Variants in CWH43 observed in about 807,000 individuals in gnomAD.
The protein encoded by CWH43 is PGAP2-interacting protein.
A neutral mutation model predicts 85.7 loss-of-function variants in CWH43; 91 were observed. The ratio of observed to expected loss-of-function variants is 1.06; its 90% CI spans 0.90 to 1.26. The LOEUF (loss-of-function observed/expected upper bound fraction) is 1.26. Among genes scored for constraint, CWH43 ranks in the 50% most tolerant of loss-of-function variants. CWH43 has a pLI of 0.00. For missense variants in CWH43, 869 were observed against 839.2 expected (o/e 1.04, Z -0.44); for synonymous variants, 323 against 293.6 (o/e 1.10, Z -1.02).
Position 49,038,170 on chromosome 4 carries a change from G to A in CWH43, c.1793G>A (p.Gly598Asp), listed in dbSNP as rs1784320383. Reference protein sequence around the residue: ...SRDYLQLTEHGNVKDIDSTDH... With the variant: ...SRDYLQLTEHDNVKDIDSTDH... Reference sequence around the variant, plus strand: ...GATTATCTACAGCTCACTGAACATGGCAATGTGAAGGTAACATAATCTTAA... The same window carrying A: ...GATTATCTACAGCTCACTGAACATGACAATGTGAAGGTAACATAATCTTAA... Residue 598 changes from glycine to aspartate, a missense_variant, in exon 13 of 16, where the codon GGC becomes GAC. Gly to Asp is a moderately conservative substitution (Grantham distance 94). Transcript: ENST00000226432. 2.5e-6 allele frequency: 4 copies of A among 1,573,172 alleles called. No homozygotes were observed. The highest frequency in any genetic ancestry group is 2.3e-5 in the East Asian group (1 of 44,132).
At position 49,044,965 on chromosome 4, in the gene CWH43, G is replaced by A. The variant is rs576743498; in HGVS notation, c.1865+118G>A. ...TAATTTTTGTTGCTTTTTATAAAAA[G>A]CAATCAATGTTTATAAACATTGATT... On this transcript the variant is annotated intron_variant, in intron 14 of 15. Coordinates refer to ENST00000226432, the MANE Select transcript of CWH43 (RefSeq NM_025087.3). 2.4e-5 allele frequency: 17 copies of A among 723,298 alleles called. No homozygotes were observed. In the East Asian group the frequency reaches 3.2e-4, roughly 13 times the overall value. The allele number at this position is 723,298 out of a possible 1,614,324, so 44.8% of individuals were successfully genotyped here.
chr4:49,003,996 A>G lies in CWH43; in HGVS notation c.1060+4A>G. On this transcript the variant is annotated splice_donor_region_variant and intron_variant, in intron 7 of 15. Coordinates refer to ENST00000226432, the MANE Select transcript of CWH43 (RefSeq NM_025087.3). Reference sequence around the variant, plus strand: ...GAAAGATCAGATGTGCTTTTGGGTGAGTACATTTGAAAGGTCTGGATTAAA... The same window carrying G: ...GAAAGATCAGATGTGCTTTTGGGTGGGTACATTTGAAAGGTCTGGATTAAA... 6.2e-7 allele frequency: 1 copy of G among 1,605,344 alleles called. No individual in the cohort carries two copies. The highest frequency in any genetic ancestry group is 1.1e-5 in the South Asian group (1 of 90,528).
At chr4:49,029,726 C>T (rs1784036418) in intron 10 of CWH43, among the ~76,000 whole-genome samples, 1 of 152,238 alleles carries the variant, frequency 6.6e-6, no homozygotes, top group South Asian at 2.1e-4. Context: ...CTCAGTTACT[C>T]TTTGCTACAC....
At position 49,004,004 on chromosome 4, in the gene CWH43, T is replaced by A. The variant is rs1348370999; in HGVS notation, c.1060+12T>A. Reference sequence around the variant, plus strand: ...AGATGTGCTTTTGGGTGAGTACATTTGAAAGGTCTGGATTAAAATAATTGC... The same window carrying A: ...AGATGTGCTTTTGGGTGAGTACATTAGAAAGGTCTGGATTAAAATAATTGC... On this transcript the variant is annotated intron_variant, in intron 7 of 15. Coordinates refer to ENST00000226432, the MANE Select transcript of CWH43 (RefSeq NM_025087.3). 1.2e-6 allele frequency: 2 copies of A among 1,600,766 alleles called. No homozygotes were observed. The highest frequency in any genetic ancestry group is 1.7e-6 in the Non-Finnish European group (2 of 1,176,068).
chr4:48,998,792 A>G (rs550198794), intron 6 of CWH43, among the ~76,000 whole-genome samples: 1 of 152,192 alleles, frequency 6.6e-6, no homozygotes, highest in Non-Finnish European at 1.5e-5. Flanking sequence ...GCTTTCCTGG[A>G]CTACACTGCC....
intron 6 of CWH43, among the ~76,000 whole-genome samples, chr4:49,002,863 G>A (rs1783037060): frequency 6.6e-6 from 1 of 152,158 alleles, no homozygotes; most frequent in Non-Finnish European, 1.5e-5. Flanking sequence ...GCCACTTTCT[G>A]CTTCCCACTC....
chr4:48,995,909 C>G (rs1253358344), intron 5 of CWH43, among the ~76,000 whole-genome samples: 5 of 152,188 alleles, frequency 3.3e-5, no homozygotes, highest in Non-Finnish European at 7.3e-5. Context: ...AGAATGATCT[C>G]TGTAAAATGC....
chr4:49,034,323 T>G (rs777110779), intron 12 of CWH43, among the ~76,000 whole-genome samples: 8 of 152,212 alleles, frequency 5.3e-5, no homozygotes, highest in Non-Finnish European at 7.3e-5. Flanking sequence ...AGGTTGCAAG[T>G]TCTCAACCTA....
Position 48,992,706 on chromosome 4 carries a change from G to A in CWH43, c.511+616G>A, listed in dbSNP as rs1212591353. Among the ~76,000 whole-genome samples the A allele has an allele frequency of 6.6e-6, 1 of 152,124 alleles. No homozygotes were observed. The highest frequency in any genetic ancestry group is 2.4e-5 in the African/African-American group (1 of 41,428). On this transcript the variant is annotated intron_variant, in intron 4 of 15. Transcript: ENST00000226432. This position sits in a 1 kb window ranked among gnomAD's most constrained non-coding sequence, Gnocchi z 4.3. ...GAGACTCTTCTAAAAAGAAGGGAGA[G>A]GTATTAGTGGATTCTAGTTAACGTG...
At chr4:48,993,650 G>A (rs1203766272) in intron 4 of CWH43, among the ~76,000 whole-genome samples, 10 of 152,158 alleles carry the variant, frequency 6.6e-5, no homozygotes, top group Non-Finnish European at 1.3e-4. Flanking sequence ...TGGACCTCTT[G>A]GTTAAACAGT....
At chr4:49,023,308 G>C (rs1299510062) in intron 9 of CWH43, among the ~76,000 whole-genome samples, 1 of 152,154 alleles carries the variant, frequency 6.6e-6, no homozygotes, top group Non-Finnish European at 1.5e-5. Flanking sequence ...GATCATTCAA[G>C]AGCAGGTTAT....
chr4:49,040,505 A>AT (rs1273010079), intron 13 of CWH43, among the ~76,000 whole-genome samples: 35 of 152,050 alleles, frequency 2.3e-4, no homozygotes, highest in Non-Finnish European at 4.3e-4. Context: ...AGTGATGAGC[A>AT]TTTTTTCATG....
chr4:49,045,353 A>T (rs1183905597), intron 14 of CWH43, among the ~76,000 whole-genome samples: 2 of 152,214 alleles, frequency 1.3e-5, no homozygotes, highest in Non-Finnish European at 2.9e-5. Context: ...CGAGTATATC[A>T]CATACATGCG....
At chr4:49,044,946 T>C in intron 14 of CWH43, 99 bp downstream of exon 14, 1 of 893,964 alleles carries the variant, frequency 1.1e-6, no homozygotes, top group Non-Finnish European at 1.8e-6. Flanking sequence ...CAATTAATTT[T>C]TGTTGCTTTT....
chr4:49,023,444 G>A (rs558061958), intron 9 of CWH43, among the ~76,000 whole-genome samples: 2 of 152,090 alleles, frequency 1.3e-5, no homozygotes, highest in South Asian at 4.2e-4. Context: ...GCACAATCTC[G>A]GCTCACTGCA....
rs1314710457 is a variant in CWH43 at position 49,007,783 on chromosome 4, GC to G, written c.1186+461del. Among the ~76,000 whole-genome samples, 3 of 152,138 alleles carry G rather than the reference GC, an allele frequency of 2.0e-5. 1 individual carries two copies. Among genetic ancestry groups the G allele is most frequent in the Admixed American group, 2.0e-4 (3 of 15,266 alleles). On this transcript the variant is annotated intron_variant, in intron 8 of 15. Transcript: ENST00000226432. Reference sequence around the variant, plus strand: ...GAATGATGTTTCCAGCTTCATTCATGCCCCTGCAAAGGACATGAACTCATTT... The same window carrying G: ...GAATGATGTTTCCAGCTTCATTCATGCCCTGCAAAGGACATGAACTCATTT...
rs1782683029 is a variant in CWH43, at chr4:48,992,283, C to T, written c.511+193C>T. On this transcript the variant is annotated intron_variant, in intron 4 of 15. Transcript: ENST00000226432. This position sits in a 1 kb window ranked among gnomAD's most constrained non-coding sequence, Gnocchi z 4.3. ...TAAGCAGGAGGCACATTTTCCTTGCCTGTACAGACAGAGGGTGAAAATAAA... is the reference window on the plus strand; with the variant it reads ...TAAGCAGGAGGCACATTTTCCTTGCTTGTACAGACAGAGGGTGAAAATAAA... Among the ~76,000 whole-genome samples, 1 of 152,232 alleles carries T rather than the reference C, an allele frequency of 6.6e-6. No homozygotes were observed. The highest frequency in any genetic ancestry group is 6.5e-5 in the Admixed American group (1 of 15,280).
At chr4:48,997,314 C>T (rs186265230) in intron 5 of CWH43, among the ~76,000 whole-genome samples, 3 of 152,046 alleles carry the variant, frequency 2.0e-5, no homozygotes, top group Admixed American at 2.0e-4. Flanking sequence ...CCACCTCTGC[C>T]TCCCAAAGTG....
intron 15 of CWH43, among the ~76,000 whole-genome samples, chr4:49,058,903 C>G (rs1303678212): frequency 6.6e-6 from 1 of 151,962 alleles, no homozygotes; most frequent in East Asian, 1.9e-4. Context: ...TTCTTTTTGT[C>G]TTTGATTTTT....
Sources: allele counts gnomAD v4.1 joint callset (sites outside exome capture counted in the v4.1 genomes callset), GRCh38; gene constraint gnomAD v4.1.1; non-coding constraint Gnocchi (gnomAD v3.1); transcripts MANE v1.5; gene names NCBI Gene and HGNC (gene_info 2026-07-23, HGNC 2026-07-21).